The following SPATS2 variants were observed in gnomAD, a reference collection of about 807,000 sequenced individuals.
The protein encoded by SPATS2 is spermatogenesis-associated serine-rich protein 2.
SPATS2 carries 38 observed loss-of-function variants against 63.7 expected under a neutral mutation model. The ratio of observed to expected loss-of-function variants is 0.60; its 90% confidence interval spans 0.46 to 0.78. The LOEUF is 0.78. Among genes scored for constraint, SPATS2 ranks in the 30% least tolerant of loss-of-function variants. The pLI is 0.00. For missense variants in SPATS2, 588 were observed against 666.2 expected (o/e 0.88, Z 1.29); for synonymous variants, 207 against 232.9 (o/e 0.89, Z 1.01).
At chr12:49,419,440 C>T (rs936343595) in intron 2 of SPATS2, among the ~76,000 whole-genome samples, 1 of 152,210 alleles carries the variant, frequency 6.6e-6, no homozygotes, top group Admixed American at 6.5e-5. Context: ...TTTACTGCTT[C>T]TTTCCAGAGA....
chr12:49,387,638 C>CAAAA (rs35910147), intron 2 of SPATS2, among the ~76,000 whole-genome samples: 3 of 66,162 alleles, frequency 4.5e-5, no homozygotes, highest in Non-Finnish European at 9.4e-5. Context: ...GACTCTGTCT[C>CAAAA]AAAAAAAAAA....
intron 2 of SPATS2, among the ~76,000 whole-genome samples, chr12:49,384,145 C>G (rs1290871735): frequency 6.6e-6 from 1 of 152,164 alleles, no homozygotes; most frequent in Non-Finnish European, 1.5e-5. Flanking sequence ...CTTAAAAAAT[C>G]TCAGAGATGG....
rs1342283938 is a variant in SPATS2 at position 49,490,549 on chromosome 12, G to A, written c.215-133G>A. On this transcript the variant is annotated intron_variant, in intron 5 of 13. Transcript: ENST00000552918. ...TATCTCATTACATTACTTTAGACCT[G>A]ATCCTTAACTTTAACTTTTCTGTTA... is the stretch of plus-strand genomic sequence containing the variant. 6.2e-6 allele frequency: 5 copies of A among 810,732 alleles called. No individual in the cohort carries two copies. The East Asian group carries it at 1.3e-4, about 20-fold the overall frequency. The allele number at this position is 810,732 out of a possible 1,614,324, so 50.2% of individuals were successfully genotyped here.
chr12:49,422,119 TG>T (rs1481872170), intron 2 of SPATS2, among the ~76,000 whole-genome samples: 2 of 152,200 alleles, frequency 1.3e-5, no homozygotes, highest in African/African-American at 4.8e-5. Context: ...TGCTGCTTTA[TG>T]ATCTTTTTAT....
At chr12:49,389,593 A>G in intron 2 of SPATS2, 2 of 1,072,230 alleles carry the variant, frequency 1.9e-6, no homozygotes, top group Non-Finnish European at 2.9e-6. Flanking sequence ...ACGATGCAGC[A>G]GAAACTCTGA....
At chr12:49,391,866 G>GAC (rs1271143348) in intron 2 of SPATS2, among the ~76,000 whole-genome samples, 1 of 152,136 alleles carries the variant, frequency 6.6e-6, no homozygotes, top group East Asian at 1.9e-4. Context: ...GGGTGGATGA[G>GAC]ACTGATTGAA....
chr12:49,513,036 G>T, intron 9 of SPATS2: 1 of 629,550 alleles, frequency 1.6e-6, no homozygotes, highest in Non-Finnish European at 2.4e-6. Context: ...AACATCATGC[G>T]TAACGATTAT....
At chr12:49,436,039 C>CA (rs1197662291) in intron 2 of SPATS2, among the ~76,000 whole-genome samples, 2 of 151,678 alleles carry the variant, frequency 1.3e-5, no homozygotes, top group Non-Finnish European at 2.9e-5. Flanking sequence ...CCCATGTCTA[C>CA]CTCTTTCTAC....
intron 2 of SPATS2, among the ~76,000 whole-genome samples, chr12:49,456,973 G>C (rs1945730387): frequency 6.6e-6 from 1 of 151,864 alleles, no homozygotes; most frequent in Admixed American, 6.6e-5. Context: ...ATTTTCATCT[G>C]TGTCTATTCT....
intron 2 of SPATS2, among the ~76,000 whole-genome samples, chr12:49,381,383 C>T (rs1944218975): frequency 6.6e-6 from 1 of 152,036 alleles, no homozygotes; most frequent in Non-Finnish European, 1.5e-5. Flanking sequence ...AGGAAATTGC[C>T]TAGTTTTTCC....
At chr12:49,428,285 AC>A (rs1343789089) in intron 2 of SPATS2, among the ~76,000 whole-genome samples, 1 of 151,592 alleles carries the variant, frequency 6.6e-6, no homozygotes, top group Non-Finnish European at 1.5e-5. Flanking sequence ...AAAAAAAAAA[AC>A]AAAAATTCAG....
intron 2 of SPATS2, among the ~76,000 whole-genome samples, chr12:49,444,898 C>T (rs887109612): frequency 6.6e-6 from 1 of 152,136 alleles, no homozygotes; most frequent in East Asian, 1.9e-4. Flanking sequence ...GCCACTGCAC[C>T]CAGCCAGATA....
intron 2 of SPATS2, among the ~76,000 whole-genome samples, chr12:49,406,889 G>T (rs982577315): frequency 1.3e-5 from 2 of 152,044 alleles, no homozygotes; most frequent in Non-Finnish European, 1.5e-5. Context: ...CATATACTGG[G>T]AACAATCATA....
At chr12:49,450,866 G>GT (rs1234449090) in intron 2 of SPATS2, among the ~76,000 whole-genome samples, 5 of 150,410 alleles carry the variant, frequency 3.3e-5, no homozygotes, top group Admixed American at 1.3e-4. Context: ...GTTTTGTTTT[G>GT]TTTTTTGTTT....
At chr12:49,478,796 C>T (rs986712946) in intron 3 of SPATS2, among the ~76,000 whole-genome samples, 1 of 152,126 alleles carries the variant, frequency 6.6e-6, no homozygotes, top group Non-Finnish European at 1.5e-5. Flanking sequence ...CTTTTCTGGC[C>T]AGAAACCTCT....
chr12:49,506,878 G>A (rs1426694083), intron 9 of SPATS2, among the ~76,000 whole-genome samples: 1 of 151,848 alleles, frequency 6.6e-6, no homozygotes, highest in African/African-American at 2.4e-5. Context: ...GGGTTTATTG[G>A]GACATAACCC....
chr12:49,398,135 CAAAAAAAAAAA>C (rs71080193), intron 2 of SPATS2, among the ~76,000 whole-genome samples: 11 of 45,380 alleles, frequency 2.4e-4, no homozygotes, highest in African/African-American at 7.4e-4. Context: ...GACCCTGTCT[CAAAAAAAAAAA>C]AAAAAAAAAA....
chr12:49,522,656 A>G (rs1592485334), intron 11 of SPATS2, 95 bp from the exon 12 acceptor site: 2 of 962,280 alleles, frequency 2.1e-6, no homozygotes, highest in East Asian at 5.2e-5. Flanking sequence ...CAATAAAAAG[A>G]CAATTGAAAA....
intron 3 of SPATS2, among the ~76,000 whole-genome samples, chr12:49,464,221 C>T (rs923889046): frequency 3.3e-4 from 50 of 149,852 alleles, no homozygotes; most frequent in African/African-American, 1.2e-3. Context: ...AAACACTTTC[C>T]GACTGGGTGT....
Sources: gnomAD v4.1 joint callset for allele counts (sites outside exome capture counted in the v4.1 genomes callset) on GRCh38, gnomAD v4.1.1 for gene constraint, MANE v1.5 for transcripts, NCBI Gene and HGNC (gene_info 2026-07-23, HGNC 2026-07-21) for gene names.